The following PVT1 variants were observed in gnomAD, a reference collection of about 807,000 sequenced individuals.
PVT1 encodes CXCR4/PVT1 fusion.
Position 128,025,982 on chromosome 8 carries a change from T to G in PVT1, n.912+36691T>G, listed in dbSNP as rs548991447. Among the ~76,000 whole-genome samples, 13 of 152,132 alleles carry G rather than the reference T, an allele frequency of 8.5e-5. No homozygotes were observed. The East Asian group carries it at 2.5e-3, about 29-fold the overall frequency. On this transcript the variant is annotated intron_variant and non_coding_transcript_variant, in intron 4 of 10. Coordinates refer to ENST00000651587, the Ensembl canonical transcript of PVT1. ...TTTTTTTTCTTTTGAGACAGACTCT[T>G]GCTCTGTTGTCCAGGCCGGAGTGCA...
At chr8:127,889,621 G>C (rs182915278) in intron 2 of PVT1, among the ~76,000 whole-genome samples, 1 of 152,304 alleles carries the variant, frequency 6.6e-6, no homozygotes. Context: ...AGTTTTAGCT[G>C]TGGCCATTCT....
chr8:127,799,527 T>A (rs1814437992), intron 2 of PVT1, among the ~76,000 whole-genome samples: 1 of 152,240 alleles, frequency 6.6e-6, no homozygotes, highest in African/African-American at 2.4e-5. Context: ...GTGGGGGGCT[T>A]GCCTGTAGGG....
At chr8:127,994,186 C>T (rs1469296765) in intron 4 of PVT1, among the ~76,000 whole-genome samples, 1 of 152,210 alleles carries the variant, frequency 6.6e-6, no homozygotes, top group Non-Finnish European at 1.5e-5. Context: ...CTAGTCCCTT[C>T]TTTCAGCTCT....
At chr8:127,856,234 G>T (rs188999347) in intron 2 of PVT1, among the ~76,000 whole-genome samples, 1 of 152,042 alleles carries the variant, frequency 6.6e-6, no homozygotes, top group African/African-American at 2.4e-5. Flanking sequence ...TAGGGCTTAG[G>T]GGGTATGCTG....
intron 3 of PVT1, among the ~76,000 whole-genome samples, chr8:127,905,746 C>A (rs147176463): frequency 6.6e-6 from 1 of 152,112 alleles, no homozygotes; most frequent in African/African-American, 2.4e-5. Context: ...ATTTCTCAGG[C>A]GAGGAAATAG....
chr8:127,863,758 A>G (rs1050436174), intron 2 of PVT1, among the ~76,000 whole-genome samples: 2 of 152,162 alleles, frequency 1.3e-5, no homozygotes, highest in Non-Finnish European at 2.9e-5. Context: ...AGAGGGGTAG[A>G]ATGACTTGCT....
intron 4 of PVT1, among the ~76,000 whole-genome samples, chr8:128,029,537 C>T (rs1301873269): frequency 6.6e-6 from 1 of 152,154 alleles, no homozygotes; most frequent in Non-Finnish European, 1.5e-5. Context: ...TGCGGTGGCT[C>T]ACGCCTGTAA....
At chr8:127,804,598 T>A (rs958897399) in intron 2 of PVT1, among the ~76,000 whole-genome samples, 3 of 149,614 alleles carry the variant, frequency 2.0e-5, no homozygotes, top group Non-Finnish European at 4.4e-5. Flanking sequence ...TGGAGTGCAG[T>A]GGCACAATCT....
intron 2 of PVT1, among the ~76,000 whole-genome samples, chr8:127,835,178 A>G (rs1264545149): frequency 6.6e-6 from 1 of 152,194 alleles, no homozygotes; most frequent in Non-Finnish European, 1.5e-5. Context: ...TTACAATAGC[A>G]AAGACCTGGA....
At chr8:127,870,555 G>A (rs1484802580) in intron 2 of PVT1, among the ~76,000 whole-genome samples, 1 of 152,176 alleles carries the variant, frequency 6.6e-6, no homozygotes, top group Admixed American at 6.5e-5. Flanking sequence ...GAGAATGAGC[G>A]GCACTCCCTC....
At chr8:127,825,045 A>G (rs957351624) in intron 2 of PVT1, among the ~76,000 whole-genome samples, 2 of 145,700 alleles carry the variant, frequency 1.4e-5, no homozygotes, top group African/African-American at 5.1e-5. Flanking sequence ...ATTTGAACCC[A>G]GGAGGTGGAG....
At chr8:127,926,742 C>G (rs957161663) in intron 3 of PVT1, among the ~76,000 whole-genome samples, 1 of 152,202 alleles carries the variant, frequency 6.6e-6, no homozygotes, top group Admixed American at 6.5e-5. Context: ...AGACACTATC[C>G]GGCAACACGT....
intron 2 of PVT1, among the ~76,000 whole-genome samples, chr8:127,840,918 C>T (rs761342086): frequency 2.6e-5 from 4 of 152,350 alleles, no homozygotes; most frequent in African/African-American, 4.8e-5. Context: ...AAGAAGGAAG[C>T]GGCTGTTCAG....
At chr8:127,959,584 A>AG (rs1254790092) in intron 3 of PVT1, among the ~76,000 whole-genome samples, 1 of 118,618 alleles carries the variant, frequency 8.4e-6, no homozygotes, top group Non-Finnish European at 1.8e-5. Context: ...ACTCTGTCTC[A>AG]GGAAAAAAAA....
At position 128,057,014 on chromosome 8, in the gene PVT1, G is replaced by A. The variant is rs114608152; in HGVS notation, n.913-13146G>A. 5.8e-3 allele frequency among the ~76,000 whole-genome samples: 880 copies of A among 152,132 alleles called. 10 individuals carry two copies. The highest frequency in any genetic ancestry group is 0.02 in the African/African-American group (822 of 41,486). On this transcript the variant is annotated intron_variant and non_coding_transcript_variant, in intron 4 of 10. Coordinates refer to ENST00000651587, the Ensembl canonical transcript of PVT1. ...GAGTTTTAGTTTAGTTTAGCTTCCC[G>A]CATCATTGAGAAAGACAGGGTATTC...
intron 4 of PVT1, among the ~76,000 whole-genome samples, chr8:128,068,222 A>T (rs1302008005): frequency 6.6e-6 from 1 of 151,434 alleles, no homozygotes; most frequent in Non-Finnish European, 1.5e-5. Flanking sequence ...CTTCTTTCCC[A>T]GGAGGCTTTA....
chr8:127,818,555 G>A (rs1246674067), intron 2 of PVT1, among the ~76,000 whole-genome samples: 2 of 152,150 alleles, frequency 1.3e-5, no homozygotes, highest in African/African-American at 4.8e-5. Context: ...GGCGTTCTGT[G>A]TTATTCAGAT....
intron 4 of PVT1, among the ~76,000 whole-genome samples, chr8:128,045,173 C>T (rs1273775130): frequency 4.6e-5 from 7 of 152,192 alleles, no homozygotes; most frequent in Admixed American, 4.6e-4. Flanking sequence ...TGAGCTCCTG[C>T]CCTATCACTG....
chr8:128,060,452 A>G (rs1381488179), intron 4 of PVT1, among the ~76,000 whole-genome samples: 3 of 152,176 alleles, frequency 2.0e-5, no homozygotes, highest in East Asian at 1.9e-4. Context: ...TGTACTTCCT[A>G]CTAAACATGA....
Sources: gnomAD v4.1 joint callset for allele counts (sites outside exome capture counted in the v4.1 genomes callset) on GRCh38, gnomAD v4.1.1 for gene constraint, MANE v1.5 for transcripts, NCBI Gene and HGNC (gene_info 2026-07-23, HGNC 2026-07-21) for gene names.